Variants in ZNF43 observed in about 807,000 individuals in gnomAD.
ZNF43 encodes zinc finger protein 39-like 1 (KOX 27).
A neutral mutation model predicts 68.4 loss-of-function variants in ZNF43; 44 were observed. The observed-to-expected ratio is 0.64, with a 90% confidence interval of 0.51 to 0.83. The LOEUF (loss-of-function observed/expected upper bound fraction) is 0.83, where lower values mean the gene tolerates loss of function less well. Among genes scored for constraint, ZNF43 ranks in the 40% least tolerant of loss-of-function variants. The pLI, the probability that ZNF43 is intolerant of heterozygous loss-of-function variation, is 0.00. For missense variants in ZNF43, 896 were observed against 933.2 expected (o/e 0.96, Z 0.52); for synonymous variants, 308 against 307.8 (o/e 1.00, Z -0.01).
At chr19:21,850,190 G>A (rs28371802) in intron 1 of ZNF43, among the ~76,000 whole-genome samples, 1 of 152,188 alleles carries the variant, frequency 6.6e-6, no homozygotes, top group African/African-American at 2.4e-5. Flanking sequence ...TTTTCCTGTA[G>A]GCAGAGTGCA....
rs1441858474 is a variant in ZNF43 at position 21,809,596 on chromosome 19, T to C, written c.441A>G (p.Leu147=). ...CLPATQSKIF[L]FDKCVKAFHK... is the part of the protein sequence containing the mutation. ...GAAAGGCTTTCACACATTTATCAAA[T>C]AGAAATATTTTGCTCTGGGTAGCTG... is the stretch of plus-strand genomic sequence containing the variant. Residue 147 remains leucine (L), a synonymous_variant, in exon 4 of 4, where the codon CTA becomes CTG. Coordinates refer to ENST00000354959, the MANE Select transcript of ZNF43 (RefSeq NM_003423.4). 3.7e-6 allele frequency: 6 copies of C among 1,611,904 alleles called. No homozygotes were observed. In the African/African-American group the frequency reaches 4.0e-5, roughly 11 times the overall value.
intron 1 of ZNF43, among the ~76,000 whole-genome samples, chr19:21,842,407 C>CAA (rs34565458): frequency 1.7e-4 from 20 of 117,574 alleles, no homozygotes; most frequent in East Asian, 5.4e-4. Context: ...GACTCCATCT[C>CAA]AAAAAAAAAA....
chr19:21,844,915 AAAAAAAATATATATATAT>A (rs1860189472), intron 1 of ZNF43, among the ~76,000 whole-genome samples: 1 of 97,210 alleles, frequency 1.0e-5, no homozygotes, highest in African/African-American at 5.6e-5. Flanking sequence ...AAAAAAAAAA[AAAAAAAATATATATATAT>A]ATATATATAT....
chr19:21,820,905 C>G (rs1198821007), intron 1 of ZNF43, among the ~76,000 whole-genome samples: 2 of 147,456 alleles, frequency 1.4e-5, no homozygotes, highest in Non-Finnish European at 3.0e-5. Context: ...GCGATCTCGG[C>G]TCACTGTAAC....
chr19:21,821,361 G>A (rs897283033), intron 1 of ZNF43, among the ~76,000 whole-genome samples: 7 of 151,796 alleles, frequency 4.6e-5, no homozygotes, highest in Non-Finnish European at 1.0e-4. Context: ...GTGTTACCGC[G>A]CCTGGCCAAC....
chr19:21,836,159 A>AGAG lies in ZNF43; in HGVS notation c.-124_-122dup. ...ACACAGAAGAACGAAGACGAGACGC[A>AGAG]GAGCTCCAACTGCAGCCAGAGACAA... On this transcript the variant is annotated 5_prime_UTR_variant, in exon 1 of 4. Coordinates refer to ENST00000354959, the MANE Select transcript of ZNF43 (RefSeq NM_003423.4). The AGAG allele has an allele frequency of 6.4e-7, 1 of 1,572,152 alleles. No homozygotes were observed. Among genetic ancestry groups the AGAG allele is most frequent in the Non-Finnish European group, 8.6e-7 (1 of 1,157,512 alleles).
intron 1 of ZNF43, among the ~76,000 whole-genome samples, chr19:21,848,067 G>T (rs1314641735): frequency 6.6e-6 from 1 of 151,706 alleles, no homozygotes; most frequent in East Asian, 2.0e-4. Context: ...TGATGCACCC[G>T]CCTCAGCCTT....
intron 1 of ZNF43, among the ~76,000 whole-genome samples, chr19:21,835,270 A>G (rs2038652981): frequency 6.6e-6 from 1 of 150,972 alleles, no homozygotes; most frequent in Non-Finnish European, 1.5e-5. Flanking sequence ...AAAAAAAGAA[A>G]AAAAAGAAAA....
intron 1 of ZNF43, among the ~76,000 whole-genome samples, chr19:21,833,169 TTC>T (rs1158432797): frequency 6.6e-6 from 1 of 152,202 alleles, no homozygotes; most frequent in Non-Finnish European, 1.5e-5. Flanking sequence ...AGCCTTGGAA[TTC>T]TGTTGAAAAT....
In ZNF43 at chr19:21,806,320, G is replaced by C. The variant is rs144504055; in HGVS notation, c.*1287C>G. ...GCCTTTGAAGTAGCTGGGATTATAG[G>C]TGCCTGGTAAATTTTTGTATTTTTA... On this transcript the variant is annotated 3_prime_UTR_variant, in exon 4 of 4. Coordinates refer to ENST00000354959, the MANE Select transcript of ZNF43 (RefSeq NM_003423.4). The C allele has an allele frequency of 6.6e-6, 1 of 151,882 alleles. No homozygotes were observed. Among genetic ancestry groups the C allele is most frequent in the East Asian group, 1.9e-4 (1 of 5,174 alleles). The allele number at this position is 151,882 out of a possible 1,614,324, so 9.4% of individuals were successfully genotyped here.
At chr19:21,812,366 A>C (rs536754152) in intron 3 of ZNF43, among the ~76,000 whole-genome samples, 1 of 152,280 alleles carries the variant, frequency 6.6e-6, no homozygotes, top group Admixed American at 6.5e-5. Context: ...CGCCCGCCTC[A>C]GCCTCCCAAA....
chr19:21,845,545 T>C (rs1967890925), intron 1 of ZNF43: 1 of 152,072 alleles, frequency 6.6e-6, no homozygotes, highest in Non-Finnish European at 1.5e-5. Flanking sequence ...AATACTCTCG[T>C]GACCAGGGCT....
At chr19:21,829,793 T>C (rs1207848989) in intron 1 of ZNF43, among the ~76,000 whole-genome samples, 7 of 152,142 alleles carry the variant, frequency 4.6e-5, no homozygotes, top group Non-Finnish European at 8.8e-5. Flanking sequence ...CATCTGAATT[T>C]CAGTAGACAT....
intron 1 of ZNF43, among the ~76,000 whole-genome samples, chr19:21,823,703 GA>G (rs2037966102): frequency 6.6e-6 from 1 of 151,488 alleles, no homozygotes; most frequent in African/African-American, 2.4e-5. Flanking sequence ...AAGTAGCTGG[GA>G]TTACAGGCAT....
chr19:21,811,918 G>A (rs1284047174), intron 3 of ZNF43: 4 of 391,934 alleles, frequency 1.0e-5, no homozygotes, highest in African/African-American at 4.1e-5. Flanking sequence ...AAAAAGACAT[G>A]ACATTGGTCT....
At chr19:21,819,361 T>A in intron 1 of ZNF43, 140 bp from the exon 2 acceptor site, 1 of 952,830 alleles carries the variant, frequency 1.0e-6, no homozygotes. Context: ...AATTATCCAA[T>A]AAAATAATTC....
chr19:21,840,908 C>T (rs1967482017), upstream of ZNF43: 1 of 152,186 alleles, frequency 6.6e-6, no homozygotes, highest in African/African-American at 2.4e-5. Context: ...TTCTCACCTG[C>T]CTATGAGCTA....
intron 3 of ZNF43, among the ~76,000 whole-genome samples, chr19:21,812,979 T>A (rs1568352622): frequency 6.6e-6 from 1 of 150,812 alleles, no homozygotes; most frequent in East Asian, 1.9e-4. Flanking sequence ...AAAAAACCTA[T>A]GTTGACTGTT....
chr19:21,851,777 G>T, intron 1 of ZNF43: 1 of 1,010,324 alleles, frequency 9.9e-7, no homozygotes, highest in South Asian at 1.8e-5. Flanking sequence ...CCGCCATCTT[G>T]CGGCCAGAGG....
Sources: allele counts gnomAD v4.1 joint callset (sites outside exome capture counted in the v4.1 genomes callset), GRCh38; gene constraint gnomAD v4.1.1; transcripts MANE v1.5; gene names NCBI Gene and HGNC (gene_info 2026-07-23, HGNC 2026-07-21).